The following MYO15B variants were observed in gnomAD, a reference collection of about 807,000 sequenced individuals.
The protein encoded by MYO15B is myosin XVB pseudogene.
MYO15B carries 207 observed loss-of-function variants against 119.3 expected under a neutral mutation model. The ratio of observed to expected loss-of-function variants is 1.73; its 90% CI spans 1.55 to 1.95. MYO15B has a LOEUF of 1.95. MYO15B is among the 30% of genes most tolerant of loss of function. The pLI is 0.00. For missense variants in MYO15B, 2,264 were observed against 1,203.1 expected (o/e 1.88, Z -13.04); for synonymous variants, 966 against 498.9 (o/e 1.94, Z -12.48).
exon 25 of MYO15B, chr17:75,611,942 G>C (rs1270734311): frequency 4.3e-6 from 3 of 702,872 alleles, no homozygotes; most frequent in Non-Finnish European, 5.2e-6. Context: ...TGAGGTTCCT[G>C]CCCGGCCCAG....
At chr17:75,620,882 C>T in intron 49 of MYO15B, 149 bp from the exon 50 acceptor site, 1 of 702,084 alleles carries the variant, frequency 1.4e-6, no homozygotes, top group Non-Finnish European at 2.6e-6. Context: ...TCAAGGCTGC[C>T]CCAGCAGATG....
chr17:75,616,047 C>CA (rs2058353231), intron 36 of MYO15B, 22 bp from the exon 37 acceptor site: 1 of 578,466 alleles, frequency 1.7e-6, no homozygotes, highest in East Asian at 2.9e-5. Flanking sequence ...GCTGAGCTGC[C>CA]ACTCATTTCT....
At chr17:75,602,635 C>T (rs771245820) in intron 16 of MYO15B, 41 bp downstream of exon 16, 92 of 635,428 alleles carry the variant, frequency 1.4e-4, no homozygotes, top group Non-Finnish European at 1.4e-5. Context: ...GCTCCATACT[C>T]TGTCCCCCAA....
exon 57 of MYO15B, chr17:75,624,381 G>A (rs1159965744): frequency 7.1e-6 from 5 of 702,528 alleles, no homozygotes; most frequent in East Asian, 2.7e-5. Context: ...AAGGACAAGC[G>A]ATTCGCCTGC....
chr17:75,615,925 G>C (rs2058344177), intron 36 of MYO15B, 41 bp downstream of exon 36: 1 of 627,946 alleles, frequency 1.6e-6, no homozygotes, highest in Admixed American at 2.5e-5. Flanking sequence ...ATGTGAGGGT[G>C]GGGACTGCAG....
chr17:75,592,977 T>C (rs1396412439), intron 9 of MYO15B, 137 bp downstream of exon 9: 2 of 588,536 alleles, frequency 3.4e-6, no homozygotes, highest in Non-Finnish European at 6.1e-6. Flanking sequence ...ATCCCCACTG[T>C]GTAGATGAGA....
exon 1 of MYO15B, chr17:75,590,237 G>T (rs2056346698): frequency 2.5e-6 from 1 of 399,102 alleles, no homozygotes; most frequent in Non-Finnish European, 4.4e-6. Context: ...GACCTGGCGC[G>T]GTTGCGGTTA....
At position 75,624,410 on chromosome 17, in the gene MYO15B, G is replaced by C. The variant is rs187357707; in HGVS notation, c.8408G>C (p.Gly2803Ala). 99 of 702,560 alleles carry C rather than the reference G, an allele frequency of 1.4e-4. No individual in the cohort carries two copies. In the Admixed American group the frequency reaches 1.9e-3, roughly 13 times the overall value. The allele number at this position is 702,560 out of a possible 1,614,324, so 43.5% of individuals were successfully genotyped here. A position where few individuals can be genotyped will look rare whatever the true frequency, so the allele number is the denominator to read the frequency against. Residue 2803 changes from glycine to alanine, a missense_variant, in exon 57 of 64, where the codon GGG becomes GCG. Transcript: ENST00000645453. The stretch of plus-strand genomic sequence containing the variant: ...CGCCTGCTTCTTATTCACCTGCCGG[G>C]GGGTGTGGATTATAGGACGAATATC...
chr17:75,592,141 G>C, intron 6 of MYO15B, 61 bp downstream of exon 6: 2 of 701,610 alleles, frequency 2.9e-6, no homozygotes, highest in South Asian at 3.0e-5. Flanking sequence ...TCCTTGGGCT[G>C]CTTCCCTGGG....
chr17:75,617,095 C>T, exon 41 of MYO15B: 1 of 678,194 alleles, frequency 1.5e-6, no homozygotes. Flanking sequence ...ATGCTGTCCC[C>T]CAGCCCAGGA....
exon 59 of MYO15B, chr17:75,624,916 G>C (rs1233463172): frequency 1.4e-6 from 1 of 702,438 alleles, no homozygotes; most frequent in Non-Finnish European, 2.6e-6. Flanking sequence ...ACTACAGCCA[G>C]GTCAGCCTGC....
chr17:75,609,682 CCCTT>C (rs1279766208), intron 21 of MYO15B, among the ~76,000 whole-genome samples: 3 of 147,592 alleles, frequency 2.0e-5, no homozygotes, highest in African/African-American at 5.2e-5. Context: ...TTCCTTCCTT[CCCTT>C]CCTTCCTTCC....
exon 18 of MYO15B, chr17:75,603,052 A>G (rs531516653): frequency 1.4e-6 from 1 of 703,292 alleles, no homozygotes; most frequent in East Asian, 2.7e-5. Context: ...TATTTCATCC[A>G]GTGCCTCACC....
At chr17:75,613,428 A>G (rs1178804676) in exon 28 of MYO15B, 2 of 679,132 alleles carry the variant, frequency 2.9e-6, no homozygotes, top group Admixed American at 4.8e-5. Context: ...GGCTGGCCGG[A>G]TGGCGGCGGG....
exon 3 of MYO15B, chr17:75,591,003 C>G (rs1029869541): frequency 3.5e-5 from 21 of 600,678 alleles, no homozygotes; most frequent in Admixed American, 5.4e-5. Flanking sequence ...CAGGAAGGCC[C>G]TCAGCACCAC....
intron 22 of MYO15B, 168 bp from the exon 23 acceptor site, chr17:75,610,732 G>T: frequency 1.6e-6 from 1 of 615,772 alleles, no homozygotes; most frequent in Admixed American, 2.6e-5. Context: ...GCTAAGGCTG[G>T]TGAGGGCCCT....
chr17:75,594,524 C>G, exon 10 of MYO15B: 1 of 628,308 alleles, frequency 1.6e-6, no homozygotes, highest in South Asian at 1.8e-5. Context: ...GAGATCCACA[C>G]AGCAGCCCGA....
intron 9 of MYO15B, among the ~76,000 whole-genome samples, chr17:75,593,613 CAG>C (rs1307553538): frequency 3.5e-5 from 5 of 142,970 alleles, no homozygotes; most frequent in African/African-American, 1.3e-4. Flanking sequence ...GACTCCGTCT[CAG>C]AAAAAAAAAA....
At chr17:75,605,274 A>G (rs964135835) in intron 19 of MYO15B, among the ~76,000 whole-genome samples, 3 of 151,984 alleles carry the variant, frequency 2.0e-5, no homozygotes, top group Non-Finnish European at 4.4e-5. Context: ...TGTCTCTACT[A>G]AAAATACAAA....
Sources: allele counts gnomAD v4.1 joint callset (sites outside exome capture counted in the v4.1 genomes callset), GRCh38; gene constraint gnomAD v4.1.1; transcripts MANE v1.5; gene names NCBI Gene and HGNC (gene_info 2026-07-23, HGNC 2026-07-21).